The following CDKL4 variants were observed in gnomAD, a reference collection of about 807,000 sequenced individuals.
CDKL4 encodes the protein cyclin-dependent kinase-like 4.
In CDKL4, 44 loss-of-function variants were observed where a neutral mutation model predicts 42.0. That is an observed-to-expected ratio of 1.05 (90% CI 0.82 to 1.35). CDKL4 has a LOEUF of 1.35. Ranked by LOEUF, CDKL4 falls within the 40% of genes most tolerant of loss-of-function variation. The pLI, the probability that CDKL4 is intolerant of heterozygous loss-of-function variation, is 0.00. For missense variants in CDKL4, 393 were observed against 369.9 expected, an observed-to-expected ratio of 1.06 and a Z score of -0.51; for synonymous variants, 120 against 121.6, an observed-to-expected ratio of 0.99 and a Z score of 0.09.
chr2:39,232,708 T>G (rs1480689398), intron 1 of CDKL4, among the ~76,000 whole-genome samples: 1 of 152,028 alleles, frequency 6.6e-6, no homozygotes, highest in African/African-American at 2.4e-5. Context: ...ATCCAGTGCC[T>G]TCAATATAAC....
At chr2:39,207,185 A>T (rs1300274771) in intron 4 of CDKL4, among the ~76,000 whole-genome samples, 2 of 152,160 alleles carry the variant, frequency 1.3e-5, no homozygotes, top group Non-Finnish European at 2.9e-5. Flanking sequence ...CAGGAGTTTG[A>T]TACCAGCCTG....
chr2:39,200,573 A>G (rs183269215), intron 5 of CDKL4, among the ~76,000 whole-genome samples: 4 of 152,188 alleles, frequency 2.6e-5, no homozygotes, highest in African/African-American at 9.6e-5. Flanking sequence ...GGATTATCCT[A>G]CCTGACTTCA....
chr2:39,225,747 T>G (rs1044991081), intron 3 of CDKL4, 92 bp downstream of exon 3: 1 of 1,297,730 alleles, frequency 7.7e-7, no homozygotes, highest in Non-Finnish European at 1.0e-6. Context: ...AAAGGGGAAT[T>G]GTGGCTGGGA....
intron 3 of CDKL4, among the ~76,000 whole-genome samples, chr2:39,217,603 C>A (rs1413959204): frequency 6.6e-6 from 1 of 152,114 alleles, no homozygotes; most frequent in African/African-American, 2.4e-5. Context: ...ATTTTACTTC[C>A]ATTTCCCTTC....
chr2:39,223,945 G>A (rs1461327596), intron 3 of CDKL4, among the ~76,000 whole-genome samples: 1 of 152,082 alleles, frequency 6.6e-6, no homozygotes, highest in African/African-American at 2.4e-5. Context: ...TGGAAGGTAA[G>A]GTGAGGCTCC....
chr2:39,208,952 G>C (rs556123507), intron 4 of CDKL4, among the ~76,000 whole-genome samples: 2 of 151,958 alleles, frequency 1.3e-5, no homozygotes, highest in African/African-American at 2.4e-5. Flanking sequence ...ACCAAAACAT[G>C]AGTATCAACA....
At chr2:39,184,716 G>A (rs181555257) in intron 7 of CDKL4, 69 bp from the exon 8 acceptor site, 22,419 of 992,354 alleles carry the variant, frequency 0.023, 328 homozygotes, top group South Asian at 0.027. Context: ...ATATATGTGC[G>A]TATGTATGTG....
rs1428224433 is a variant in CDKL4 at position 39,240,369 on chromosome 2, G to A, written c.-57+3502C>T. Among the ~76,000 whole-genome samples the A allele has an allele frequency of 5.3e-5, 8 of 150,286 alleles. 1 individual carries two copies. The South Asian group carries it at 1.3e-3, about 24-fold the overall frequency. On this transcript the variant is annotated intron_variant, in intron 1 of 9. Transcript: ENST00000451199. ...CAGGAGGCAGAGGTTGCAGTGAGCC[G>A]AGATTGTGCCATTGCACTCCAGACT... is the stretch of plus-strand genomic sequence containing the variant.
At chr2:39,220,364 C>T (rs1678229882) in intron 3 of CDKL4, among the ~76,000 whole-genome samples, 1 of 152,090 alleles carries the variant, frequency 6.6e-6, no homozygotes, top group African/African-American at 2.4e-5. Context: ...GGTCTCCAAA[C>T]CTTAACTAAA....
intron 6 of CDKL4, among the ~76,000 whole-genome samples, chr2:39,188,413 T>C (rs1452417232): frequency 5.9e-5 from 9 of 151,342 alleles, no homozygotes; most frequent in African/African-American, 9.7e-5. Flanking sequence ...ATACAAAAAA[T>C]TAGCTGAGTG....
chr2:39,234,344 A>C (rs1679247285), intron 1 of CDKL4, among the ~76,000 whole-genome samples: 1 of 152,212 alleles, frequency 6.6e-6, no homozygotes, highest in Non-Finnish European at 1.5e-5. Flanking sequence ...CTAAATTATG[A>C]GATGCTGATA....
At chr2:39,242,649 C>G (rs1345326401) in intron 1 of CDKL4, among the ~76,000 whole-genome samples, 1 of 151,904 alleles carries the variant, frequency 6.6e-6, no homozygotes, top group African/African-American at 2.4e-5. Flanking sequence ...GATTGTATCA[C>G]AAATCAAGTC....
At chr2:39,187,486 A>T in intron 7 of CDKL4, 141 bp downstream of exon 7, 1 of 573,642 alleles carries the variant, frequency 1.7e-6, no homozygotes, top group Non-Finnish European at 3.0e-6. Flanking sequence ...TTGAGGCTGC[A>T]GTGAGCCATG....
At chr2:39,233,818 T>TA (rs1227937242) in intron 1 of CDKL4, among the ~76,000 whole-genome samples, 1 of 150,004 alleles carries the variant, frequency 6.7e-6, no homozygotes, top group Non-Finnish European at 1.5e-5. Flanking sequence ...AATTTGGAGA[T>TA]ACGAAAAAGC....
chr2:39,171,796 G>T (rs182748513), downstream of CDKL4, among the ~76,000 whole-genome samples: 181 of 152,336 alleles, frequency 1.2e-3, no homozygotes, highest in Non-Finnish European at 1.7e-3. Context: ...AAGAGGCGGA[G>T]CACAGAGGAG....
Position 39,204,632 on chromosome 2 carries a change from TTTGA to T in CDKL4, c.364-19_364-16del, listed in dbSNP as rs1210722057. The stretch of plus-strand genomic sequence containing the variant: ...CTGTGAATACACTGTAAGATCATTA[TTTGA>T]TTATTTTTCTGAACCATCAAAATGA... On this transcript the variant is annotated splice_polypyrimidine_tract_variant and intron_variant, in intron 4 of 9. Coordinates refer to ENST00000451199, the Ensembl canonical transcript of CDKL4. 4 of 1,323,130 alleles carry T rather than the reference TTTGA, an allele frequency of 3.0e-6. No individual in the cohort carries two copies. The highest frequency in any genetic ancestry group is 4.3e-6 in the Non-Finnish European group (4 of 925,576). 82.0% of individuals were successfully genotyped at this position (1,323,130 alleles called of 1,614,324 possible). A position where few individuals can be genotyped will look rare whatever the true frequency, so the allele number is the denominator to read the frequency against.
At chr2:39,210,371 G>A (rs531178303) in intron 4 of CDKL4, among the ~76,000 whole-genome samples, 2 of 152,108 alleles carry the variant, frequency 1.3e-5, no homozygotes, top group Non-Finnish European at 2.9e-5. Flanking sequence ...GGTATAGAAC[G>A]TGTTGTTCCA....
chr2:39,206,238 G>T (rs1677179840), intron 4 of CDKL4, among the ~76,000 whole-genome samples: 2 of 152,036 alleles, frequency 1.3e-5, no homozygotes, highest in South Asian at 4.2e-4. Flanking sequence ...TCACCACCAT[G>T]CCCGGCTAAT....
intron 3 of CDKL4, among the ~76,000 whole-genome samples, chr2:39,218,394 A>G (rs1678074162): frequency 6.6e-6 from 1 of 152,120 alleles, no homozygotes. Flanking sequence ...CCAGCTGCTC[A>G]GGAGACTGAG....
Sources: allele counts gnomAD v4.1 joint callset (sites outside exome capture counted in the v4.1 genomes callset), GRCh38; gene constraint gnomAD v4.1.1; transcripts MANE v1.5; gene names NCBI Gene and HGNC (gene_info 2026-07-23, HGNC 2026-07-21).